VPS13D: variants seen among roughly 807,000 people sequenced by gnomAD.
VPS13D encodes the protein vacuolar protein sorting 13 homolog D.
A neutral mutation model predicts 461.9 loss-of-function variants in VPS13D; 187 were observed. The ratio of observed to expected loss-of-function variants is 0.40; its 90% CI spans 0.36 to 0.46. The LOEUF (loss-of-function observed/expected upper bound fraction) is 0.46, where lower values mean the gene tolerates loss of function less well. VPS13D is among the 20% of genes least tolerant of loss of function. The pLI, the probability that VPS13D is intolerant of heterozygous loss-of-function variation, is 0.60. For missense variants in VPS13D, 4,711 were observed against 5,364.9 expected (o/e 0.88, Z 3.81); for synonymous variants, 1,951 against 1,986.3 (o/e 0.98, Z 0.47).
At chr1:12,289,800 A>G (rs1250063282) in intron 22 of VPS13D, among the ~76,000 whole-genome samples, 2 of 152,052 alleles carry the variant, frequency 1.3e-5, no homozygotes, top group Non-Finnish European at 2.9e-5. Context: ...ACCAGTTGTG[A>G]TGGCCAGTGC....
intron 21 of VPS13D, among the ~76,000 whole-genome samples, chr1:12,284,357 C>A (rs1641901015): frequency 6.6e-6 from 1 of 152,208 alleles, no homozygotes; most frequent in Non-Finnish European, 1.5e-5. Context: ...AGGCCCTCCA[C>A]ACAGTGTGTG....
chr1:12,435,256 C>T (rs1570166020), intron 65 of VPS13D, among the ~76,000 whole-genome samples: 3 of 150,236 alleles, frequency 2.0e-5, no homozygotes, highest in Non-Finnish European at 4.4e-5. Flanking sequence ...CTCAGGAGTT[C>T]GAGACCAGCC....
intron 22 of VPS13D, 54 bp from the exon 23 acceptor site, chr1:12,290,939 TTTAAG>T (rs1481867171): frequency 3.3e-6 from 5 of 1,518,114 alleles, no homozygotes; most frequent in Non-Finnish European, 3.5e-6. Flanking sequence ...TCCAGACATA[TTTAAG>T]TTGTGTGACA....
intron 10 of VPS13D, 63 bp downstream of exon 10, chr1:12,258,166 A>C: frequency 6.3e-7 from 1 of 1,582,936 alleles, no homozygotes; most frequent in Non-Finnish European, 8.6e-7. Context: ...TCTCTCAAAG[A>C]CTAAAGAAAA....
intron 10 of VPS13D, 29 bp downstream of exon 10, chr1:12,258,132 G>A (rs762738117): frequency 3.7e-6 from 6 of 1,608,944 alleles, no homozygotes; most frequent in South Asian, 2.2e-5. Flanking sequence ...TGTGTTTCTT[G>A]TCTTATTCAG....
intron 62 of VPS13D, 83 bp downstream of exon 62, chr1:12,401,787 C>T (rs1644585129): frequency 2.6e-6 from 3 of 1,147,568 alleles, no homozygotes; most frequent in South Asian, 2.7e-5. Context: ...ATAGGTAGCC[C>T]CTTGGTGTCT....
chr1:12,479,750 G>A (rs1196779340), intron 67 of VPS13D, among the ~76,000 whole-genome samples: 1 of 152,152 alleles, frequency 6.6e-6, no homozygotes, highest in Non-Finnish European at 1.5e-5. Flanking sequence ...CTGACCAAGT[G>A]TTAGGTCTAC....
intron 64 of VPS13D, among the ~76,000 whole-genome samples, chr1:12,416,414 T>G (rs1644794588): frequency 6.6e-6 from 1 of 152,230 alleles, no homozygotes; most frequent in Non-Finnish European, 1.5e-5. Flanking sequence ...GCTATTTTTA[T>G]TCTTCTAACT....
Position 12,373,876 on chromosome 1 carries a change from C to G in VPS13D, c.10917+18C>G, listed in dbSNP as rs370830472. The G allele has an allele frequency of 6.3e-7, 1 of 1,588,304 alleles. No homozygotes were observed. Among genetic ancestry groups the G allele is most frequent in the Non-Finnish European group, 8.6e-7 (1 of 1,162,544 alleles). On this transcript the variant is annotated intron_variant, in intron 55 of 69. Coordinates refer to ENST00000620676, the MANE Select transcript of VPS13D (RefSeq NM_015378.4). ...AAAAGAAGGTAAGAGAGCTTACAAT[C>G]AGAGTTTAGAATACAAGGTTTTTAG... is the stretch of plus-strand genomic sequence containing the variant.
At chr1:12,353,783 C>G (rs558652164) in intron 46 of VPS13D, among the ~76,000 whole-genome samples, 191 bp from the exon 47 acceptor site, 1 of 152,112 alleles carries the variant, frequency 6.6e-6, no homozygotes, top group East Asian at 1.9e-4. Context: ...CAGAGCTCAT[C>G]AAACTGAACA....
At chr1:12,438,838 C>T (rs917434814) in intron 65 of VPS13D, among the ~76,000 whole-genome samples, 5 of 152,206 alleles carry the variant, frequency 3.3e-5, no homozygotes, top group Non-Finnish European at 7.3e-5. Context: ...TAGCGCTAGC[C>T]ACTTCATAGC....
At position 12,299,074 on chromosome 1, in the gene VPS13D, T is replaced by C. The variant is rs1266402932; in HGVS notation, c.6034-128T>C. The C allele has an allele frequency of 2.6e-6, 2 of 779,646 alleles. No individual in the cohort carries two copies. The highest frequency in any genetic ancestry group is 7.1e-5 in the Admixed American group (2 of 28,004). 48.3% of individuals were successfully genotyped at this position (779,646 alleles called of 1,614,324 possible). ...GACTTCCAGTTTAACTCCATGGTGG[T>C]CATAGAATATGCTCTGTATGATTTT... On this transcript the variant is annotated intron_variant, in intron 24 of 69. Coordinates refer to ENST00000620676, the MANE Select transcript of VPS13D (RefSeq NM_015378.4). The surrounding 1 kb of genome is among the most constrained non-coding windows in gnomAD (Gnocchi z 4.2).
At chr1:12,362,955 G>A in intron 51 of VPS13D, 105 bp downstream of exon 51, 1 of 1,583,130 alleles carries the variant, frequency 6.3e-7, no homozygotes, top group East Asian at 2.2e-5. Flanking sequence ...TAACTGCTCT[G>A]TGCCTTTGGT....
At chr1:12,375,786 C>A (rs1036209581) in intron 55 of VPS13D, among the ~76,000 whole-genome samples, 2 of 152,226 alleles carry the variant, frequency 1.3e-5, no homozygotes, top group Non-Finnish European at 2.9e-5. Context: ...GCTGCCCCAT[C>A]GCTTAGGTGG....
chr1:12,440,737 G>A (rs932914725), intron 65 of VPS13D, among the ~76,000 whole-genome samples: 2 of 152,066 alleles, frequency 1.3e-5, no homozygotes, highest in Non-Finnish European at 2.9e-5. Context: ...TTAGCTGGAC[G>A]TGGTGGTGGA....
At chr1:12,382,195 G>A (rs1299122073) in intron 57 of VPS13D, among the ~76,000 whole-genome samples, 1 of 151,552 alleles carries the variant, frequency 6.6e-6, no homozygotes, top group Non-Finnish European at 1.5e-5. Context: ...TCCGCCTCCC[G>A]GGCTCAAGCG....
chr1:12,348,812 C>T lies in VPS13D; in HGVS notation c.9070-11C>T, dbSNP rs761180860. On this transcript the variant is annotated splice_polypyrimidine_tract_variant and intron_variant, in intron 44 of 69. Transcript: ENST00000620676. ...AAACATAACTATTTTGTCTTTATCGCTCTTTCACAGTTCTCTTCACTCCCA... is the reference window on the plus strand; with the variant it reads ...AAACATAACTATTTTGTCTTTATCGTTCTTTCACAGTTCTCTTCACTCCCA... 6 of 1,613,102 alleles carry T rather than the reference C, an allele frequency of 3.7e-6. No individual in the cohort carries two copies. Among genetic ancestry groups the T allele is most frequent in the Admixed American group, 1.7e-5 (1 of 59,918 alleles).
intron 1 of VPS13D, among the ~76,000 whole-genome samples, chr1:12,233,807 G>A (rs1251297254): frequency 1.3e-5 from 2 of 152,138 alleles, no homozygotes; most frequent in Admixed American, 6.5e-5. Flanking sequence ...CAGCACTTTG[G>A]GTGGCTGAGG....
intron 5 of VPS13D, 35 bp downstream of exon 5, chr1:12,244,652 T>C (rs1640489288): frequency 6.3e-7 from 1 of 1,578,824 alleles, no homozygotes. Flanking sequence ...AGTATCAACG[T>C]GAAAGGGATT....
Sources: gnomAD v4.1 joint callset for allele counts (sites outside exome capture counted in the v4.1 genomes callset) on GRCh38, gnomAD v4.1.1 for gene constraint, Gnocchi (gnomAD v3.1) non-coding constraint, MANE v1.5 for transcripts, NCBI Gene and HGNC (gene_info 2026-07-23, HGNC 2026-07-21) for gene names.